RPS6KA5: variants seen among roughly 807,000 people sequenced by gnomAD.
The protein encoded by RPS6KA5 is ribosomal protein S6 kinase alpha-5.
RPS6KA5 carries 27 observed loss-of-function variants against 85.5 expected under a neutral mutation model. The observed-to-expected ratio is 0.32, with a 90% CI of 0.23 to 0.44. RPS6KA5 has a LOEUF of 0.44. RPS6KA5 is among the 20% of genes least tolerant of loss of function. RPS6KA5 has a pLI of 1.00. For synonymous variants in RPS6KA5, 334 were observed against 348.2 expected (o/e 0.96, Z 0.46); for missense variants, 811 against 980.9 (o/e 0.83, Z 2.31).
intron 3 of RPS6KA5, among the ~76,000 whole-genome samples, chr14:90,950,702 T>A (rs2038128136): frequency 6.6e-6 from 1 of 152,234 alleles, no homozygotes; most frequent in Non-Finnish European, 1.5e-5. Flanking sequence ...TGACTTTTGG[T>A]TGGTAAACCA....
chr14:90,903,687 A>G (rs1193261938), intron 8 of RPS6KA5, among the ~76,000 whole-genome samples: 1 of 152,206 alleles, frequency 6.6e-6, no homozygotes, highest in Non-Finnish European at 1.5e-5. Flanking sequence ...TGCTCCTTCT[A>G]TCATTTAAAA....
intron 1 of RPS6KA5, among the ~76,000 whole-genome samples, chr14:91,025,812 A>T (rs936571907): frequency 3.6e-5 from 1 of 28,068 alleles, no homozygotes; most frequent in Non-Finnish European, 7.1e-5. Context: ...TTTTTCTCTT[A>T]AAAAAAAAAA....
In RPS6KA5 at chr14:90,870,805, C is replaced by CTTTTTTTTTTTT. The variant is rs78409439; in HGVS notation, c.*1257_*1268dup. ...ATATAACACACAAACCCTATCACTT[C>CTTTTTTTTTTTT]TTTTTTTTTTTTTTTTTTTTTTGCA... On this transcript the variant is annotated 3_prime_UTR_variant, in exon 17 of 17. Coordinates refer to ENST00000614987, the MANE Select transcript of RPS6KA5 (RefSeq NM_004755.4). 1.2e-5 allele frequency: 1 copy of CTTTTTTTTTTTT among 85,852 alleles called. No homozygotes were observed. The highest frequency in any genetic ancestry group is 4.6e-5 in the African/African-American group (1 of 21,714). The allele number at this position is 85,852 out of a possible 1,614,324, so 5.3% of individuals were successfully genotyped here.
rs139935755 is a variant in RPS6KA5 at position 90,991,924 on chromosome 14, T to C, written c.175+9164A>G. On this transcript the variant is annotated intron_variant, in intron 2 of 16. Transcript: ENST00000614987. ...TAAGTGTCAAAAAGTAAATCTTTGA[T>C]ATTCAAATATTCCACAGTCTTCAAG... Among the ~76,000 whole-genome samples the C allele has an allele frequency of 1.0e-3, 155 of 152,250 alleles. 2 individuals carry two copies. In the East Asian group the frequency reaches 0.025, roughly 25 times the overall value.
intron 1 of RPS6KA5, among the ~76,000 whole-genome samples, chr14:91,029,087 G>A (rs542706909): frequency 2.0e-5 from 3 of 152,276 alleles, no homozygotes; most frequent in Admixed American, 1.3e-4. Context: ...ATAGCACGTT[G>A]ATAAACATAA....
rs545033785 is a variant in RPS6KA5 at position 90,929,198 on chromosome 14, T to G, written c.619-6002A>C. Among the ~76,000 whole-genome samples the G allele has an allele frequency of 2.0e-4, 30 of 152,232 alleles. 1 individual carries two copies. Among genetic ancestry groups the G allele is most frequent in the Admixed American group, 6.5e-5 (1 of 15,294 alleles). On this transcript the variant is annotated intron_variant, in intron 5 of 16. Coordinates refer to ENST00000614987, the MANE Select transcript of RPS6KA5 (RefSeq NM_004755.4). ...AATGACTAAAATACATGTTCTTTAA[T>G]GTAAAAAATACATATACACATAAAA...
At position 90,906,087 on chromosome 14, in the gene RPS6KA5, A is replaced by AACGCCAAGG. The variant is rs1203513807; in HGVS notation, c.957+53_957+61dup. On this transcript the variant is annotated intron_variant, in intron 8 of 16. Coordinates refer to ENST00000614987, the MANE Select transcript of RPS6KA5 (RefSeq NM_004755.4). Reference sequence around the variant, plus strand: ...GACTGTGTTCACTAATTTCACCAAGAACGCCAAGGACCCTGAAAACGGCAA... The same window carrying AACGCCAAGG: ...GACTGTGTTCACTAATTTCACCAAGAACGCCAAGGACGCCAAGGACCCTGAAAACGGCAA... 2.8e-6 allele frequency: 4 copies of AACGCCAAGG among 1,450,524 alleles called. No homozygotes were observed. The African/African-American group carries it at 5.6e-5, about 20-fold the overall frequency. 89.9% of individuals were successfully genotyped at this position (1,450,524 alleles called of 1,614,324 possible).
In RPS6KA5 at chr14:91,015,441, TTTTG is replaced by T. The variant is rs560608745; in HGVS notation, c.104-14286_104-14283del. Among the ~76,000 whole-genome samples, 517 of 152,310 alleles carry T rather than the reference TTTTG, an allele frequency of 3.4e-3. 1 individual carries two copies. Among genetic ancestry groups the T allele is most frequent in the African/African-American group, 0.011 (471 of 41,564 alleles). ...AGCTTCCAAAGTGCTACCAAATTTA[TTTTG>T]TTTATTATGTTTTGAATTACACTTT... On this transcript the variant is annotated intron_variant, in intron 1 of 16. Coordinates refer to ENST00000614987, the MANE Select transcript of RPS6KA5 (RefSeq NM_004755.4).
rs572069880 is a variant in RPS6KA5 at position 91,022,502 on chromosome 14, T to C, written c.104-21343A>G. Among the ~76,000 whole-genome samples, 21 of 152,218 alleles carry C rather than the reference T, an allele frequency of 1.4e-4. No individual in the cohort carries two copies. In the South Asian group the frequency reaches 3.7e-3, roughly 27 times the overall value. On this transcript the variant is annotated intron_variant, in intron 1 of 16. Transcript: ENST00000614987. ...CAGAGTGGCAGCAACTAGAGGATGG[T>C]TGGTGGCAGTTAAAGCAGAAAAAAA...
chr14:91,040,047 G>A (rs2025139), intron 1 of RPS6KA5, among the ~76,000 whole-genome samples: 1 of 152,224 alleles, frequency 6.6e-6, no homozygotes, highest in African/African-American at 2.4e-5. Flanking sequence ...GAGAATGTGA[G>A]AGAGAGGAAG....
chr14:91,036,967 G>A (rs2042432898), intron 1 of RPS6KA5, among the ~76,000 whole-genome samples: 1 of 152,166 alleles, frequency 6.6e-6, no homozygotes, highest in African/African-American at 2.4e-5. Flanking sequence ...GGGATAACAT[G>A]AGTCAAAGCT....
At chr14:91,055,051 C>T (rs1029386441) in intron 1 of RPS6KA5, among the ~76,000 whole-genome samples, 2 of 152,118 alleles carry the variant, frequency 1.3e-5, no homozygotes, top group African/African-American at 4.8e-5. Context: ...TGAAAAGATG[C>T]TTGTCATTAG....
intron 1 of RPS6KA5, among the ~76,000 whole-genome samples, chr14:91,043,560 A>C (rs763740825): frequency 3.9e-5 from 6 of 152,196 alleles, no homozygotes; most frequent in Admixed American, 2.0e-4. Context: ...TTGGAAGAAG[A>C]ATAATAATAA....
chr14:90,896,322 A>T (rs984296219), intron 12 of RPS6KA5, among the ~76,000 whole-genome samples: 6 of 152,320 alleles, frequency 3.9e-5, no homozygotes, highest in African/African-American at 1.4e-4. Flanking sequence ...TTTATTCATG[A>T]TCTTGGGATG....
At chr14:91,051,006 G>A (rs942970635) in intron 1 of RPS6KA5, among the ~76,000 whole-genome samples, 2 of 151,938 alleles carry the variant, frequency 1.3e-5, no homozygotes, top group African/African-American at 4.8e-5. Context: ...GGCAGGTGGA[G>A]CACGTGAGGT....
chr14:91,009,493 TC>T (rs1362251229), intron 1 of RPS6KA5, among the ~76,000 whole-genome samples: 1 of 152,158 alleles, frequency 6.6e-6, no homozygotes, highest in African/African-American at 2.4e-5. Context: ...CATGCAACCC[TC>T]CCTCCTTGGC....
At position 91,049,903 on chromosome 14, in the gene RPS6KA5, T is replaced by C. The variant is rs974718313; in HGVS notation, c.103+10429A>G. ...GGCAACTGTAAAACAATTTTAAGTA[T>C]TTGTGTATCTAACCAGAGAAAGAGT... On this transcript the variant is annotated intron_variant, in intron 1 of 16. Coordinates refer to ENST00000614987, the MANE Select transcript of RPS6KA5 (RefSeq NM_004755.4). Among the ~76,000 whole-genome samples the C allele has an allele frequency of 3.9e-5, 6 of 152,362 alleles. No individual in the cohort carries two copies. In the South Asian group the frequency reaches 1.2e-3, roughly 32 times the overall value.
intron 3 of RPS6KA5, among the ~76,000 whole-genome samples, chr14:90,966,521 G>T (rs186200193): frequency 7.9e-5 from 12 of 152,264 alleles, no homozygotes; most frequent in Admixed American, 3.9e-4. Context: ...AAAATAGTAG[G>T]CACATACAAA....
rs2032810918 is a variant in RPS6KA5 at position 90,866,541 on chromosome 14, T to G, written c.*5533A>C. On this transcript the variant is annotated 3_prime_UTR_variant, in exon 17 of 17. Coordinates refer to ENST00000614987, the MANE Select transcript of RPS6KA5 (RefSeq NM_004755.4). ...TCCACATAGAATAGAGGAAAAACAATGTTTTTCATCTTTTTTAATCTTCCA... is the reference window on the plus strand; with the variant it reads ...TCCACATAGAATAGAGGAAAAACAAGGTTTTTCATCTTTTTTAATCTTCCA... The G allele has an allele frequency of 6.6e-6, 1 of 152,194 alleles. No individual in the cohort carries two copies. The highest frequency in any genetic ancestry group is 1.5e-5 in the Non-Finnish European group (1 of 68,038). The allele number at this position is 152,194 out of a possible 1,614,324, so 9.4% of individuals were successfully genotyped here.
Sources: gnomAD v4.1 joint callset for allele counts (sites outside exome capture counted in the v4.1 genomes callset) on GRCh38, gnomAD v4.1.1 for gene constraint, MANE v1.5 for transcripts, NCBI Gene and HGNC (gene_info 2026-07-23, HGNC 2026-07-21) for gene names.